The following DDAH1 variants were observed in gnomAD, a reference collection of about 807,000 sequenced individuals.
DDAH1 encodes the protein dimethylarginine dimethylaminohydrolase 1.
DDAH1 carries 19 observed loss-of-function variants against 28.8 expected under a neutral mutation model. The observed-to-expected ratio is 0.66, with a 90% CI of 0.46 to 0.97. The LOEUF is 0.97. DDAH1 is among the 50% of genes least tolerant of loss of function. DDAH1 has a pLI of 0.00. For synonymous variants in DDAH1, 153 were observed against 154.4 expected, an observed-to-expected ratio of 0.99 and a Z score of 0.07; for missense variants, 326 against 375.9, an observed-to-expected ratio of 0.87 and a Z score of 1.10.
intron 1 of DDAH1, among the ~76,000 whole-genome samples, chr1:85,406,730 T>C (rs1313512534): frequency 6.6e-6 from 1 of 152,156 alleles, no homozygotes; most frequent in African/African-American, 2.4e-5. Flanking sequence ...CCTTTAGTTT[T>C]TGAGTATACG....
At chr1:85,394,985 C>T (rs966110672) in intron 1 of DDAH1, among the ~76,000 whole-genome samples, 3 of 151,940 alleles carry the variant, frequency 2.0e-5, no homozygotes, top group South Asian at 2.1e-4. Flanking sequence ...CTAGGTTTCA[C>T]TAGAAATTAA....
intron 2 of DDAH1, among the ~76,000 whole-genome samples, chr1:85,479,159 C>CTTTTTTTTTTTTTT (rs35629726): frequency 3.8e-5 from 3 of 78,618 alleles, no homozygotes; most frequent in African/African-American, 1.4e-4. Context: ...TTCTGTTTTT[C>CTTTTTTTTTTTTTT]TTTTTTTTTT....
At chr1:85,407,047 G>C (rs1446089573) in intron 1 of DDAH1, among the ~76,000 whole-genome samples, 3 of 151,914 alleles carry the variant, frequency 2.0e-5, no homozygotes, top group Non-Finnish European at 4.4e-5. Flanking sequence ...TGTTTTTCAT[G>C]TGTCCACTTT....
rs1397622471 is a variant in DDAH1, at chr1:85,320,139, G to A, written c.*1313C>T. The A allele has an allele frequency of 6.6e-6, 1 of 152,412 alleles. No individual in the cohort carries two copies. Among genetic ancestry groups the A allele is most frequent in the Admixed American group, 6.5e-5 (1 of 15,284 alleles). 9.4% of individuals were successfully genotyped at this position (152,412 alleles called of 1,614,324 possible). On this transcript the variant is annotated 3_prime_UTR_variant, in exon 6 of 6. Coordinates refer to ENST00000284031, the MANE Select transcript of DDAH1 (RefSeq NM_012137.4). ...CCTGTTAATAGGCTGATTCCTGCAG[G>A]TTTGAGTAAAGGAATCATCTCTTCC... is the stretch of plus-strand genomic sequence containing the variant.
intron 4 of DDAH1, among the ~76,000 whole-genome samples, chr1:85,337,223 G>A (rs2100813404): frequency 6.6e-6 from 1 of 152,148 alleles, no homozygotes; most frequent in Non-Finnish European, 1.5e-5. Context: ...GCTGTACTTA[G>A]GTGTCTTTGT....
At chr1:85,372,930 T>G (rs567477095) in intron 1 of DDAH1, among the ~76,000 whole-genome samples, 1 of 152,164 alleles carries the variant, frequency 6.6e-6, no homozygotes, top group South Asian at 2.1e-4. Flanking sequence ...TGTTATGAAA[T>G]GTACAAAGCC....
intron 5 of DDAH1, among the ~76,000 whole-genome samples, chr1:85,324,291 A>G (rs1647228730): frequency 6.7e-6 from 1 of 148,650 alleles, no homozygotes; most frequent in South Asian, 2.1e-4. Flanking sequence ...TAATAATAAT[A>G]ATAATAATAA....
intron 2 of DDAH1, among the ~76,000 whole-genome samples, chr1:85,479,259 C>T (rs1490910390): frequency 2.1e-4 from 31 of 148,328 alleles, no homozygotes; most frequent in Middle Eastern, 3.4e-3. Context: ...CTGCAAGCTC[C>T]GCTTCCCGGG....
intron 2 of DDAH1, among the ~76,000 whole-genome samples, chr1:85,487,314 T>C (rs1656238379): frequency 2.0e-5 from 3 of 152,220 alleles, no homozygotes; most frequent in Non-Finnish European, 4.4e-5. Context: ...CTGCTGGCAG[T>C]AGCCAACGCA....
chr1:85,324,747 C>G lies in DDAH1; in HGVS notation c.734G>C (p.Ser245Thr). ...LHRTPEEYPE[S>T]AKVYEKLKDH... ...GAAGGGATATTTTTTTACCTTTGCA[C>G]TTTCTGGATACTCTTCCGGGGTTCG... is the stretch of plus-strand genomic sequence containing the variant. The change falls in exon 5 of 6, where the codon AGT (serine) becomes ACT (threonine). Residue 245 changes from serine to threonine, a missense_variant. By Grantham distance (58) the Ser-to-Thr change is moderately conservative. Transcript: ENST00000284031. 5 of 1,614,138 alleles carry G rather than the reference C, an allele frequency of 3.1e-6. No homozygotes were observed. The highest frequency in any genetic ancestry group is 4.2e-6 in the Non-Finnish European group (5 of 1,180,022).
At chr1:85,513,388 C>T (rs1657318964) in intron 1 of DDAH1, among the ~76,000 whole-genome samples, 1 of 152,096 alleles carries the variant, frequency 6.6e-6, no homozygotes, top group Admixed American at 6.5e-5. Flanking sequence ...GACCTAAAAC[C>T]ATAAAAACCC....
At chr1:85,562,831 T>C (rs1260458460) in intron 1 of DDAH1, among the ~76,000 whole-genome samples, 2 of 152,178 alleles carry the variant, frequency 1.3e-5, no homozygotes, top group Non-Finnish European at 1.5e-5. Context: ...GCCACCCAGT[T>C]TACAGTACTT....
intron 1 of DDAH1, among the ~76,000 whole-genome samples, chr1:85,391,925 G>A (rs1299125841): frequency 6.6e-6 from 1 of 152,164 alleles, no homozygotes; most frequent in Non-Finnish European, 1.5e-5. Flanking sequence ...ACAGGCCTTT[G>A]GGGGAAGCTC....
intron 1 of DDAH1, among the ~76,000 whole-genome samples, chr1:85,540,478 C>G (rs980035100): frequency 2.0e-5 from 3 of 152,164 alleles, no homozygotes; most frequent in Admixed American, 2.0e-4. Context: ...ACATTTTGCA[C>G]TCTTGTATGA....
chr1:85,406,929 A>G (rs1287522989), intron 1 of DDAH1, among the ~76,000 whole-genome samples: 1 of 152,126 alleles, frequency 6.6e-6, no homozygotes, highest in African/African-American at 2.4e-5. Context: ...AAGGAAAATT[A>G]GAGTATATTT....
chr1:85,433,350 C>T (rs947461244), intron 1 of DDAH1, among the ~76,000 whole-genome samples: 4 of 152,202 alleles, frequency 2.6e-5, no homozygotes, highest in South Asian at 2.1e-4. Context: ...TCTCCACCTT[C>T]GCACATGAAA....
intron 1 of DDAH1, among the ~76,000 whole-genome samples, chr1:85,524,389 C>T (rs1169885348): frequency 1.3e-5 from 2 of 149,694 alleles, no homozygotes; most frequent in Non-Finnish European, 3.0e-5. Context: ...AAAAACACTA[C>T]TTCTGGAGCA....
At chr1:85,576,327 A>G (rs950068848) in intron 1 of DDAH1, among the ~76,000 whole-genome samples, 1 of 152,174 alleles carries the variant, frequency 6.6e-6, no homozygotes, top group Non-Finnish European at 1.5e-5. Flanking sequence ...AGAAGCAGGC[A>G]AGGTCCCGAG....
chr1:85,364,809 G>T (rs914474985), intron 1 of DDAH1, among the ~76,000 whole-genome samples: 2 of 152,186 alleles, frequency 1.3e-5, no homozygotes, highest in Admixed American at 6.5e-5. Context: ...CTCCCAAAGT[G>T]CTGGGATTAC....
Sources: gnomAD v4.1 joint callset for allele counts (sites outside exome capture counted in the v4.1 genomes callset) on GRCh38, gnomAD v4.1.1 for gene constraint, MANE v1.5 for transcripts, NCBI Gene and HGNC (gene_info 2026-07-23, HGNC 2026-07-21) for gene names.